Variants in KRTAP9-4 observed in about 807,000 individuals in gnomAD.
KRTAP9-4 encodes the protein keratin-associated protein 9-4.
KRTAP9-4 carries 8 observed loss-of-function variants against 12.7 expected under a neutral mutation model. The observed-to-expected ratio is 0.63, with a 90% confidence interval of 0.37 to 1.14. The LOEUF is 1.14. Among genes scored for constraint, KRTAP9-4 ranks in the 50% most tolerant of loss-of-function variants. The pLI, the probability that KRTAP9-4 is intolerant of heterozygous loss-of-function variation, is 0.01. For missense variants in KRTAP9-4, 188 were observed against 189.1 expected, an observed-to-expected ratio of 0.99 and a Z score of 0.03; for synonymous variants, 81 against 67.3, an observed-to-expected ratio of 1.20 and a Z score of -1.00.
In KRTAP9-4 at chr17:41,250,384, A is replaced by G. The variant is rs892888343; in HGVS notation, c.*199A>G. ...TCATCCTGATTCTCTTTTTCCTTAC[A>G]CTTTGTGGATCATGTGCCAGCTTCG... On this transcript the variant is annotated 3_prime_UTR_variant, in exon 1 of 1. Coordinates refer to ENST00000334109, the MANE Select transcript of KRTAP9-4 (RefSeq NM_033191.3). 1.3e-6 allele frequency: 1 copy of G among 777,460 alleles called. No homozygotes were observed. Among genetic ancestry groups the G allele is most frequent in the Non-Finnish European group, 2.1e-6 (1 of 482,630 alleles). The allele number at this position is 777,460 out of a possible 1,614,324, so 48.2% of individuals were successfully genotyped here. A position where few individuals can be genotyped will look rare whatever the true frequency, so the allele number is the denominator to read the frequency against.
rs2016206418 is a variant in KRTAP9-4 at position 41,250,232 on chromosome 17, A to G, written c.*47A>G. 1.9e-6 allele frequency: 3 copies of G among 1,609,904 alleles called. No homozygotes were observed. The highest frequency in any genetic ancestry group is 1.7e-6 in the Non-Finnish European group (2 of 1,176,518). ...ATCCTCACACAACAACTTTCTGCTC[A>G]ACTGACTTATCTTTTGGGGGACTAA... On this transcript the variant is annotated 3_prime_UTR_variant, in exon 1 of 1. Transcript: ENST00000334109.
Position 41,250,274 on chromosome 17 carries a change from C to A in KRTAP9-4, c.*89C>A. 1 of 1,537,398 alleles carries A rather than the reference C, an allele frequency of 6.5e-7. No homozygotes were observed. Among genetic ancestry groups the A allele is most frequent in the South Asian group, 1.2e-5 (1 of 82,650 alleles). On this transcript the variant is annotated 3_prime_UTR_variant, in exon 1 of 1. Coordinates refer to ENST00000334109, the MANE Select transcript of KRTAP9-4 (RefSeq NM_033191.3). ...GGGGACTAATTTAATTTGCTGCTGA[C>A]AGCCACCATGCTCTCACCCAAATTT...
Position 41,250,208 on chromosome 17 carries a change from T to C in KRTAP9-4, c.*23T>C. On this transcript the variant is annotated 3_prime_UTR_variant, in exon 1 of 1. Coordinates refer to ENST00000334109, the MANE Select transcript of KRTAP9-4 (RefSeq NM_033191.3). Reference sequence around the variant, plus strand: ...TGATCAAGTCCCAAGAGAACCACCATCCTCACACAACAACTTTCTGCTCAA... The same window carrying C: ...TGATCAAGTCCCAAGAGAACCACCACCCTCACACAACAACTTTCTGCTCAA... 2 of 1,613,670 alleles carry C rather than the reference T, an allele frequency of 1.2e-6. No homozygotes were observed. The highest frequency in any genetic ancestry group is 2.2e-5 in the East Asian group (1 of 44,886).
In KRTAP9-4 at chr17:41,249,770, C is replaced by T. The variant is rs2016190807; in HGVS notation, c.50C>T (p.Thr17Ile). ...PCCQPTCCRT[T>I]CCRTTCWKPT... is the part of the protein sequence containing the mutation. ...TGTCAGCCTACATGCTGCAGGACCACCTGCTGCAGGACCACCTGCTGGAAG... is the reference window on the plus strand; with the variant it reads ...TGTCAGCCTACATGCTGCAGGACCATCTGCTGCAGGACCACCTGCTGGAAG... The change falls in exon 1 of 1, where the codon ACC (threonine) becomes ATC (isoleucine). Residue 17 changes from threonine (T) to isoleucine (I), a missense_variant. Physicochemically the swap from Thr to Ile is moderately conservative, Grantham distance 89. Transcript: ENST00000334109. The T allele has an allele frequency of 1.9e-6, 3 of 1,611,904 alleles. No homozygotes were observed. The highest frequency in any genetic ancestry group is 2.5e-6 in the Non-Finnish European group (3 of 1,179,542).
In KRTAP9-4 at chr17:41,249,693, C is replaced by G; in HGVS notation, c.-28C>G. The stretch of plus-strand genomic sequence containing the variant: ...AGATTCTGGGAAACTCACCTCTGAA[C>G]AGAAGCCCACCCTCTACCCCTGACA... On this transcript the variant is annotated 5_prime_UTR_variant, in exon 1 of 1. Coordinates refer to ENST00000334109, the MANE Select transcript of KRTAP9-4 (RefSeq NM_033191.3). 6.3e-7 allele frequency: 1 copy of G among 1,579,148 alleles called. No individual in the cohort carries two copies. The highest frequency in any genetic ancestry group is 1.3e-5 in the African/African-American group (1 of 74,688).
rs912998846 is a variant in KRTAP9-4 at position 41,249,800 on chromosome 17, C to T, written c.80C>T (p.Thr27Ile). 6.2e-7 allele frequency: 1 copy of T among 1,612,824 alleles called. No homozygotes were observed. The highest frequency in any genetic ancestry group is 8.5e-7 in the Non-Finnish European group (1 of 1,179,944). Residue 27 changes from threonine to isoleucine, a missense_variant, in exon 1 of 1, where the codon ACC becomes ATC. Thr to Ile is a moderately conservative substitution (Grantham distance 89, BLOSUM62 -1). Transcript: ENST00000334109. ...TCCRTTCWKP[T>I]TVTTCSSTPC... ...TGCAGGACCACCTGCTGGAAGCCCA[C>T]CACTGTGACCACCTGCAGCAGCACA... is the stretch of plus-strand genomic sequence containing the variant.
At position 41,250,010 on chromosome 17, in the gene KRTAP9-4, C is replaced by A; in HGVS notation, c.290C>A (p.Ala97Glu). The A allele has an allele frequency of 1.2e-6, 2 of 1,614,048 alleles. No individual in the cohort carries two copies. The highest frequency in any genetic ancestry group is 1.7e-6 in the Non-Finnish European group (2 of 1,180,012). The change falls in exon 1 of 1, where the codon GCA becomes GAA. Residue 97 changes from alanine to glutamate, a missense_variant. Ala to Glu is a moderately radical substitution (Grantham distance 107). Coordinates refer to ENST00000334109, the MANE Select transcript of KRTAP9-4 (RefSeq NM_033191.3). ...AGCTGTGACCAGAGCAGCTCCTGTG[C>A]ACCTGTGTACTGCAGAAGAACCTGC... ...GSSCDQSSSC[A>E]PVYCRRTCYY...
In KRTAP9-4 at chr17:41,249,822, C is replaced by T; in HGVS notation, c.102C>T (p.Ser34=). The T allele has an allele frequency of 6.5e-7, 1 of 1,542,720 alleles. No individual in the cohort carries two copies. Among genetic ancestry groups the T allele is most frequent in the East Asian group, 2.3e-5 (1 of 43,168 alleles). ...CCACCACTGTGACCACCTGCAGCAG[C>T]ACACCCTGCTGCCAGCCCTCCTGCT... ...WKPTTVTTCS[S]TPCCQPSCCV... The change falls in exon 1 of 1, where the codon AGC becomes AGT. Residue 34 remains serine, a synonymous_variant. Coordinates refer to ENST00000334109, the MANE Select transcript of KRTAP9-4 (RefSeq NM_033191.3).
Position 41,249,919 on chromosome 17 carries a change from G to A in KRTAP9-4, c.199G>A (p.Val67Met). 6.2e-7 allele frequency: 1 copy of A among 1,613,186 alleles called. No individual in the cohort carries two copies. Among genetic ancestry groups the A allele is most frequent in the South Asian group, 1.1e-5 (1 of 91,028 alleles). Residue 67 changes from valine (V) to methionine (M), a missense_variant, in exon 1 of 1, where the codon GTG (valine) becomes ATG (methionine). Val to Met is a conservative substitution (Grantham distance 21). Coordinates refer to ENST00000334109, the MANE Select transcript of KRTAP9-4 (RefSeq NM_033191.3). ...CQNTCCQPTC[V>M]TSCCQPSCCS... ...AAACACCTGCTGCCAGCCCACCTGT[G>A]TGACCAGCTGCTGCCAGCCTTCCTG...
chr17:41,249,738 C>CAG, the KRTAP9-4 span: 2 of 1,611,638 alleles, frequency 1.2e-6, no homozygotes, highest in Non-Finnish European at 1.7e-6. Flanking sequence ...ACTGTTGCTC[C>CAG]CCTTGCTGTC....
rs2016192168 is a variant in KRTAP9-4 at position 41,249,818 on chromosome 17, G to C, written c.98G>C (p.Ser33Thr). 6.5e-7 allele frequency: 1 copy of C among 1,542,248 alleles called. No homozygotes were observed. The highest frequency in any genetic ancestry group is 1.8e-5 in the Admixed American group (1 of 56,294). ...AAGCCCACCACTGTGACCACCTGCA[G>C]CAGCACACCCTGCTGCCAGCCCTCC... ...CWKPTTVTTC[S>T]STPCCQPSCC... The change falls in exon 1 of 1, where the codon AGC (serine) becomes ACC (threonine). Residue 33 changes from serine to threonine, a missense_variant. Transcript: ENST00000334109.
Sources: allele counts gnomAD v4.1 joint callset, GRCh38; gene constraint gnomAD v4.1.1; transcripts MANE v1.5; gene names NCBI Gene and HGNC (gene_info 2026-07-23, HGNC 2026-07-21).